Variants in ROBO1 observed in about 807,000 individuals in gnomAD.
ROBO1 encodes the protein roundabout homolog 1.
A neutral mutation model predicts 195.9 loss-of-function variants in ROBO1; 149 were observed. The ratio of observed to expected loss-of-function variants is 0.76; its 90% CI spans 0.67 to 0.87. ROBO1 has a LOEUF of 0.87. ROBO1 is among the 40% of genes least tolerant of loss of function. The probability of loss-of-function intolerance (pLI) is 0.00; values close to 1 mark genes in which losing one functional copy is unlikely to be tolerated. For missense variants in ROBO1, 1,933 were observed against 2,068.3 expected, an observed-to-expected ratio of 0.93 and a Z score of 1.27; for synonymous variants, 816 against 733.2, an observed-to-expected ratio of 1.11 and a Z score of -1.82.
chr3:79,499,290 C>T (rs879469553), intron 2 of ROBO1, among the ~76,000 whole-genome samples: 1 of 152,112 alleles, frequency 6.6e-6, no homozygotes, highest in South Asian at 2.1e-4. Flanking sequence ...CCACCGCGCC[C>T]GGCCCAAAAC....
At chr3:79,581,419 C>T (rs1298188529) in intron 2 of ROBO1, among the ~76,000 whole-genome samples, 1 of 152,156 alleles carries the variant, frequency 6.6e-6, no homozygotes, top group Non-Finnish European at 1.5e-5. Flanking sequence ...CTGGTCTCTA[C>T]AGCTAGATTA....
chr3:79,286,090 C>T (rs1393836880), intron 2 of ROBO1, among the ~76,000 whole-genome samples: 1 of 152,128 alleles, frequency 6.6e-6, no homozygotes, highest in African/African-American at 2.4e-5. Flanking sequence ...ATAAGCAAGG[C>T]AGTCAAACAT....
chr3:78,768,318 T>A (rs1576124330), intron 4 of ROBO1, among the ~76,000 whole-genome samples: 1 of 152,132 alleles, frequency 6.6e-6, no homozygotes, highest in East Asian at 1.9e-4. Context: ...AATTTCAATT[T>A]TCTTAAATTT....
intron 2 of ROBO1, among the ~76,000 whole-genome samples, chr3:79,206,238 T>TG (rs2081863964): frequency 6.6e-6 from 1 of 152,128 alleles, no homozygotes; most frequent in African/African-American, 2.4e-5. Flanking sequence ...TTGACTGTCA[T>TG]GGGATTGTAG....
intron 1 of ROBO1, among the ~76,000 whole-genome samples, chr3:79,721,507 G>T (rs1443826990): frequency 6.6e-6 from 1 of 152,054 alleles, no homozygotes; most frequent in Non-Finnish European, 1.5e-5. Flanking sequence ...ACACATTATT[G>T]TCACCAAACT....
chr3:78,632,812 T>C (rs1705260215), intron 24 of ROBO1, among the ~76,000 whole-genome samples: 1 of 152,188 alleles, frequency 6.6e-6, no homozygotes, highest in Admixed American at 6.6e-5. Context: ...TCAAATGGCA[T>C]AAGATAATCA....
intron 4 of ROBO1, among the ~76,000 whole-genome samples, chr3:78,904,019 T>G (rs1377813375): frequency 6.6e-6 from 1 of 152,036 alleles, no homozygotes; most frequent in African/African-American, 2.4e-5. Flanking sequence ...AGAGTGGCTC[T>G]TTATGAAGCA....
intron 2 of ROBO1, among the ~76,000 whole-genome samples, chr3:79,375,981 T>G (rs901890918): frequency 1.3e-5 from 2 of 152,182 alleles, no homozygotes; most frequent in South Asian, 2.1e-4. Context: ...CCAGGTGATA[T>G]CCACAGGACT....
At chr3:79,284,010 T>C (rs921639051) in intron 2 of ROBO1, among the ~76,000 whole-genome samples, 2 of 151,810 alleles carry the variant, frequency 1.3e-5, no homozygotes, top group Admixed American at 6.6e-5. Flanking sequence ...CCATGAATTC[T>C]TAAAAATGTT....
At chr3:79,645,148 G>A (rs1222731351) in intron 1 of ROBO1, among the ~76,000 whole-genome samples, 1 of 151,848 alleles carries the variant, frequency 6.6e-6, no homozygotes, top group Non-Finnish European at 1.5e-5. Flanking sequence ...TGTACCTCAG[G>A]GACCTAGAAA....
chr3:78,836,891 G>A (rs2032786555), intron 4 of ROBO1, among the ~76,000 whole-genome samples: 1 of 152,126 alleles, frequency 6.6e-6, no homozygotes, highest in South Asian at 2.1e-4. Context: ...GGGAAGCACA[G>A]AAAACACCTG....
At chr3:79,577,719 C>A (rs1276616495) in intron 2 of ROBO1, among the ~76,000 whole-genome samples, 5 of 71,724 alleles carry the variant, frequency 7.0e-5, no homozygotes, top group East Asian at 3.8e-4. Context: ...TTACTAAAAA[C>A]ACACACACAC....
intron 1 of ROBO1, among the ~76,000 whole-genome samples, chr3:79,678,144 T>C (rs1026100265): frequency 5.3e-5 from 8 of 152,066 alleles, no homozygotes; most frequent in African/African-American, 1.9e-4. Flanking sequence ...TCTGGCTGTA[T>C]CAGTTACTGG....
intron 2 of ROBO1, among the ~76,000 whole-genome samples, chr3:79,308,002 A>G (rs1487973200): frequency 2.0e-5 from 3 of 152,124 alleles, no homozygotes; most frequent in Non-Finnish European, 2.9e-5. Context: ...TTATAGGTAA[A>G]ATATTTCTAC....
At chr3:79,381,184 C>T (rs1575750674) in intron 2 of ROBO1, among the ~76,000 whole-genome samples, 1 of 151,756 alleles carries the variant, frequency 6.6e-6, no homozygotes, top group East Asian at 2.0e-4. Context: ...TGGCGAAACC[C>T]CGTCTCTACT....
At chr3:79,138,339 T>C (rs2080456735) in intron 2 of ROBO1, among the ~76,000 whole-genome samples, 1 of 152,042 alleles carries the variant, frequency 6.6e-6, no homozygotes, top group African/African-American at 2.4e-5. Flanking sequence ...ATAGTTTTGT[T>C]GGAATGAAGA....
At chr3:78,671,912 C>T (rs1380948398) in intron 10 of ROBO1, among the ~76,000 whole-genome samples, 1 of 152,082 alleles carries the variant, frequency 6.6e-6, no homozygotes, top group East Asian at 1.9e-4. Context: ...TATTTAGTGT[C>T]ATCCACACCT....
chr3:78,991,784 G>A (rs185589730), intron 3 of ROBO1, among the ~76,000 whole-genome samples: 124 of 152,162 alleles, frequency 8.1e-4, no homozygotes, highest in African/African-American at 2.5e-3. Flanking sequence ...TCAGACATAC[G>A]AGAAAAAGCA....
At chr3:78,943,841 A>G (rs2040269491) in intron 3 of ROBO1, among the ~76,000 whole-genome samples, 1 of 152,232 alleles carries the variant, frequency 6.6e-6, no homozygotes, top group African/African-American at 2.4e-5. Flanking sequence ...GGAGGTTATG[A>G]CAAAATACAG....
Sources: allele counts gnomAD v4.1 joint callset (sites outside exome capture counted in the v4.1 genomes callset), GRCh38; gene constraint gnomAD v4.1.1; transcripts MANE v1.5; gene names NCBI Gene and HGNC (gene_info 2026-07-23, HGNC 2026-07-21).